HMGXB3: variants seen among roughly 807,000 people sequenced by gnomAD.
HMGXB3 encodes the protein HMG-box containing 3, also known as HMG domain-containing protein 3.
Under a neutral mutation model 121.5 loss-of-function variants are expected in HMGXB3, and 45 were observed. The ratio of observed to expected loss-of-function variants is 0.37; its 90% confidence interval spans 0.29 to 0.47. The LOEUF is 0.47. Among genes scored for constraint, HMGXB3 ranks in the 20% least tolerant of loss-of-function variants. The probability of loss-of-function intolerance (pLI) is 0.99; values close to 1 mark genes in which losing one functional copy is unlikely to be tolerated. For synonymous variants in HMGXB3, 590 were observed against 624.1 expected (o/e 0.95, Z 0.81); for missense variants, 1,376 against 1,602.2 (o/e 0.86, Z 2.41).
At chr5:150,049,393 T>A (rs901148049) in intron 18 of HMGXB3, among the ~76,000 whole-genome samples, 1 of 144,248 alleles carries the variant, frequency 6.9e-6, no homozygotes, top group Non-Finnish European at 1.5e-5. Flanking sequence ...TGGGCCCAGG[T>A]AGATCTTGGA....
intron 4 of HMGXB3, 78 bp from the exon 5 acceptor site, chr5:150,012,177 G>A: frequency 1.1e-6 from 1 of 941,230 alleles, no homozygotes; most frequent in Non-Finnish European, 1.7e-6. Context: ...ACTTAATCCA[G>A]GCTTCCAGTG....
chr5:150,032,970 G>A (rs1002788370), intron 11 of HMGXB3, among the ~76,000 whole-genome samples: 8 of 152,190 alleles, frequency 5.3e-5, no homozygotes, highest in Non-Finnish European at 1.2e-4. Flanking sequence ...GGTAAATAGA[G>A]AATGCCAACC....
intron 1 of HMGXB3, 101 bp downstream of exon 1, chr5:150,001,280 A>G (rs948254320): frequency 6.6e-6 from 1 of 152,362 alleles, no homozygotes; most frequent in Non-Finnish European, 1.5e-5. Flanking sequence ...AAGTAGGGCC[A>G]CTGAGCCTTA....
chr5:150,029,932 A>C (rs930695311), intron 9 of HMGXB3, among the ~76,000 whole-genome samples: 1 of 152,160 alleles, frequency 6.6e-6, no homozygotes, highest in African/African-American at 2.4e-5. Flanking sequence ...CAGCCCCTAG[A>C]TTCCCTTCAT....
intron 19 of HMGXB3, among the ~76,000 whole-genome samples, chr5:150,050,805 A>C (rs1756872044): frequency 6.6e-6 from 1 of 152,226 alleles, no homozygotes; most frequent in Admixed American, 6.5e-5. Flanking sequence ...TTACTGACCA[A>C]GCCCTCTGTT....
rs551536413 is a variant in HMGXB3, at chr5:150,001,079, C to G, written c.-103C>G. 5 of 154,450 alleles carry G rather than the reference C, an allele frequency of 3.2e-5. No individual in the cohort carries two copies. In the South Asian group the frequency reaches 8.1e-4, roughly 25 times the overall value. 9.6% of individuals were successfully genotyped at this position (154,450 alleles called of 1,614,324 possible). Reference sequence around the variant, plus strand: ...CTGTCACGACTGGAGCCGCCTCTCGCCGACAGCGGGGAGCGCGAGTGCGCC... The same window carrying G: ...CTGTCACGACTGGAGCCGCCTCTCGGCGACAGCGGGGAGCGCGAGTGCGCC... On this transcript the variant is annotated 5_prime_UTR_variant, in exon 1 of 20. Transcript: ENST00000502717.
In HMGXB3 at chr5:150,000,994, G is replaced by GGGGCTC. The variant is rs1221934187; in HGVS notation, c.-187_-182dup. 4.5e-5 allele frequency: 7 copies of GGGGCTC among 154,330 alleles called. No homozygotes were observed. Among genetic ancestry groups the GGGGCTC allele is most frequent in the Non-Finnish European group, 7.3e-5 (5 of 68,214 alleles). The allele number at this position is 154,330 out of a possible 1,614,324, so 9.6% of individuals were successfully genotyped here. A position where few individuals can be genotyped will look rare whatever the true frequency, so the allele number is the denominator to read the frequency against. Reference sequence around the variant, plus strand: ...TGTCGCCGGGCGGGGCCGCGGGGCCGGGGCTCCTTCAGCCCCCGGGATGCG... The same window carrying GGGGCTC: ...TGTCGCCGGGCGGGGCCGCGGGGCCGGGGCTCGGGCTCCTTCAGCCCCCGGGATGCG... On this transcript the variant is annotated 5_prime_UTR_variant, in exon 1 of 20. Transcript: ENST00000502717.
intron 19 of HMGXB3, 91 bp from the exon 20 acceptor site, chr5:150,051,634 G>A: frequency 9.7e-7 from 1 of 1,033,108 alleles, no homozygotes; most frequent in African/African-American, 1.6e-5. Flanking sequence ...GATTCAAAGA[G>A]GGCTGGCTGA....
intron 12 of HMGXB3, among the ~76,000 whole-genome samples, chr5:150,037,144 G>T (rs1187205870): frequency 6.6e-6 from 1 of 152,160 alleles, no homozygotes; most frequent in Non-Finnish European, 1.5e-5. Flanking sequence ...ACCAGATTAG[G>T]ATTTAGTTTA....
Position 150,006,471 on chromosome 5 carries a change from A to G in HMGXB3, c.138-2A>G. ...AGCCTGAAGAAGTCATTGCTTCCTC[A>G]GGTCTGCTTACCTTCTGTACTATTA... On this transcript the variant is annotated splice_acceptor_variant, in intron 2 of 19. Transcript: ENST00000502717. LOFTEE classifies it high-confidence loss of function. 2 of 1,548,826 alleles carry G rather than the reference A, an allele frequency of 1.3e-6. No homozygotes were observed. The highest frequency in any genetic ancestry group is 1.7e-6 in the Non-Finnish European group (2 of 1,145,616).
At chr5:150,048,172 A>G (rs939978996) in intron 17 of HMGXB3, among the ~76,000 whole-genome samples, 2 of 152,256 alleles carry the variant, frequency 1.3e-5, no homozygotes, top group Admixed American at 1.3e-4. Context: ...CTACTGTTAC[A>G]TAGTGTATGT....
intron 15 of HMGXB3, among the ~76,000 whole-genome samples, chr5:150,044,682 G>A (rs915760890): frequency 2.0e-5 from 3 of 152,128 alleles, no homozygotes; most frequent in African/African-American, 7.2e-5. Context: ...ATTCCTCTGA[G>A]GAAACTTTTT....
chr5:150,041,651 T>TA (rs1756637000), intron 14 of HMGXB3, 134 bp from the exon 15 acceptor site: 2 of 660,740 alleles, frequency 3.0e-6, no homozygotes, highest in Non-Finnish European at 5.1e-6. Flanking sequence ...ACCCTCAGGG[T>TA]AGGTAGTACA....
intron 6 of HMGXB3, among the ~76,000 whole-genome samples, chr5:150,019,443 C>T (rs1756035456): frequency 1.3e-5 from 2 of 152,218 alleles, no homozygotes; most frequent in South Asian, 4.1e-4. Context: ...AGCATCACTG[C>T]TGTGCCCTTC....
intron 13 of HMGXB3, among the ~76,000 whole-genome samples, chr5:150,038,322 G>C (rs1324901301): frequency 6.6e-6 from 1 of 152,152 alleles, no homozygotes; most frequent in African/African-American, 2.4e-5. Flanking sequence ...TTGAATTCAT[G>C]TTTTTAATGT....
At chr5:150,005,684 G>T (rs1048000639) in intron 2 of HMGXB3, among the ~76,000 whole-genome samples, 1 of 151,644 alleles carries the variant, frequency 6.6e-6, no homozygotes, top group Non-Finnish European at 1.5e-5. Flanking sequence ...TATCCAAATT[G>T]TAGCTCTAAC....
intron 9 of HMGXB3, among the ~76,000 whole-genome samples, chr5:150,027,585 C>G (rs1756263881): frequency 1.3e-5 from 2 of 151,572 alleles, no homozygotes; most frequent in African/African-American, 2.4e-5. Flanking sequence ...GTGTCTCACT[C>G]TGTCACCCAG....
intron 3 of HMGXB3, among the ~76,000 whole-genome samples, chr5:150,007,332 G>A (rs1395024569): frequency 6.6e-6 from 1 of 152,120 alleles, no homozygotes; most frequent in Admixed American, 6.5e-5. Flanking sequence ...GTTTTTTTGA[G>A]AGTATCCCTG....
rs1756941123 is a variant in HMGXB3 at position 150,052,373 on chromosome 5, A to G, written c.*181A>G. The G allele has an allele frequency of 1.7e-6, 1 of 603,310 alleles. No individual in the cohort carries two copies. Among genetic ancestry groups the G allele is most frequent in the Non-Finnish European group, 2.9e-6 (1 of 341,982 alleles). The allele number at this position is 603,310 out of a possible 1,614,324, so 37.4% of individuals were successfully genotyped here. A position where few individuals can be genotyped will look rare whatever the true frequency, so the allele number is the denominator to read the frequency against. On this transcript the variant is annotated 3_prime_UTR_variant, in exon 20 of 20. Transcript: ENST00000502717. ...TGGGACCCAGGGTCCTCAGTTCTCA[A>G]CCCTCCAGGGGTCAGGAGTGGTACC...
Sources: gnomAD v4.1 joint callset for allele counts (sites outside exome capture counted in the v4.1 genomes callset) on GRCh38, gnomAD v4.1.1 for gene constraint, MANE v1.5 for transcripts, NCBI Gene and HGNC (gene_info 2026-07-23, HGNC 2026-07-21) for gene names.